The following THSD7A variants were observed in gnomAD, a reference collection of about 807,000 sequenced individuals.
The protein encoded by THSD7A is thrombospondin type-1 domain-containing protein 7A.
A neutral mutation model predicts 231.3 loss-of-function variants in THSD7A; 96 were observed. The observed-to-expected ratio is 0.41, with a 90% CI of 0.35 to 0.49. THSD7A has a LOEUF of 0.49. THSD7A is among the 20% of genes least tolerant of loss of function. The pLI is 0.05. For missense variants in THSD7A, 2,290 were observed against 2,070.2 expected, an observed-to-expected ratio of 1.11 and a Z score of -2.06; for synonymous variants, 940 against 743.3, an observed-to-expected ratio of 1.26 and a Z score of -4.30.
At chr7:11,771,244 T>C (rs896715063) in intron 1 of THSD7A, among the ~76,000 whole-genome samples, 2 of 151,402 alleles carry the variant, frequency 1.3e-5, no homozygotes, top group Non-Finnish European at 3.0e-5. Flanking sequence ...TTGGTAAATA[T>C]TGAATACTAA....
intron 7 of THSD7A, among the ~76,000 whole-genome samples, chr7:11,479,318 TATTTCATAA>T (rs1161313978): frequency 6.6e-6 from 1 of 152,204 alleles, no homozygotes; most frequent in African/African-American, 2.4e-5. Flanking sequence ...TTGGAGCATT[TATTTCATAA>T]ATCCAGATCT....
chr7:11,730,263 T>C (rs560043522), intron 1 of THSD7A, among the ~76,000 whole-genome samples: 2 of 151,806 alleles, frequency 1.3e-5, no homozygotes, highest in South Asian at 4.1e-4. Context: ...TCATAATTGA[T>C]ATTTAAATTA....
At chr7:11,738,510 T>C (rs535210626) in intron 1 of THSD7A, among the ~76,000 whole-genome samples, 14 of 152,180 alleles carry the variant, frequency 9.2e-5, no homozygotes, top group African/African-American at 3.1e-4. Flanking sequence ...ATGATGTAGT[T>C]GTTAACCATG....
intron 6 of THSD7A, among the ~76,000 whole-genome samples, chr7:11,485,759 A>G (rs1786631051): frequency 6.6e-6 from 1 of 152,162 alleles, no homozygotes; most frequent in South Asian, 2.1e-4. Flanking sequence ...GAAGTCAAGA[A>G]ACAGGCACTC....
chr7:11,476,473 T>C (rs1011000001), intron 7 of THSD7A, among the ~76,000 whole-genome samples: 11 of 152,106 alleles, frequency 7.2e-5, no homozygotes, highest in African/African-American at 2.7e-4. Flanking sequence ...ATTAGCAATT[T>C]TATGACAATT....
chr7:11,409,700 C>A (rs1051900775), intron 19 of THSD7A, among the ~76,000 whole-genome samples: 1 of 152,072 alleles, frequency 6.6e-6, no homozygotes, highest in Non-Finnish European at 1.5e-5. Context: ...TAGATCACAG[C>A]AAGCTCTCCA....
intron 23 of THSD7A, among the ~76,000 whole-genome samples, chr7:11,401,367 C>T (rs533995941): frequency 6.6e-6 from 1 of 152,284 alleles, no homozygotes; most frequent in African/African-American, 2.4e-5. Context: ...GAATCTTCCC[C>T]TTACTTTAGT....
chr7:11,783,074 A>G (rs1021249112), intron 1 of THSD7A, among the ~76,000 whole-genome samples: 1 of 152,146 alleles, frequency 6.6e-6, no homozygotes, highest in African/African-American at 2.4e-5. Context: ...GGAGAGGCAT[A>G]CTCAAAGCAA....
chr7:11,747,157 T>C (rs992371843), intron 1 of THSD7A, among the ~76,000 whole-genome samples: 6 of 151,988 alleles, frequency 3.9e-5, no homozygotes, highest in Non-Finnish European at 7.4e-5. Context: ...TTAAATACTA[T>C]TAGGAGACAT....
At chr7:11,679,322 C>A (rs559690511) in intron 1 of THSD7A, among the ~76,000 whole-genome samples, 12 of 152,158 alleles carry the variant, frequency 7.9e-5, no homozygotes, top group Non-Finnish European at 1.5e-4. Context: ...CACTCCTATT[C>A]AACATATTAT....
chr7:11,641,329 T>C (rs916631612), intron 1 of THSD7A, among the ~76,000 whole-genome samples: 1 of 152,124 alleles, frequency 6.6e-6, no homozygotes, highest in Non-Finnish European at 1.5e-5. Flanking sequence ...TTCAATAATT[T>C]TGTTTAGAAA....
At chr7:11,445,928 A>G (rs1784954681) in intron 13 of THSD7A, 133 bp downstream of exon 13, 10 of 1,095,116 alleles carry the variant, frequency 9.1e-6, no homozygotes, top group Non-Finnish European at 1.3e-5. Flanking sequence ...TGATATATGT[A>G]TAGTGTGGTG....
chr7:11,741,359 GCCAAATTC>G (rs1477883390), intron 1 of THSD7A, among the ~76,000 whole-genome samples: 2 of 151,866 alleles, frequency 1.3e-5, no homozygotes, highest in African/African-American at 2.4e-5. Context: ...TTCATGCCAT[GCCAAATTC>G]CAAGTGCATA....
intron 6 of THSD7A, among the ~76,000 whole-genome samples, chr7:11,490,952 A>G (rs904645998): frequency 1.3e-5 from 2 of 152,106 alleles, no homozygotes; most frequent in South Asian, 2.1e-4. Context: ...GCATGAGGCT[A>G]TTTTCATCAC....
At chr7:11,792,251 T>C (rs1783975919) in intron 1 of THSD7A, among the ~76,000 whole-genome samples, 1 of 151,988 alleles carries the variant, frequency 6.6e-6, no homozygotes, top group African/African-American at 2.4e-5. Flanking sequence ...AGTCTGCTGG[T>C]AATAGAAGAG....
intron 2 of THSD7A, among the ~76,000 whole-genome samples, chr7:11,614,787 A>G (rs1422437214): frequency 2.0e-5 from 3 of 152,188 alleles, no homozygotes; most frequent in Non-Finnish European, 1.5e-5. Flanking sequence ...GGTGAATAAC[A>G]TAATGCACAT....
intron 13 of THSD7A, among the ~76,000 whole-genome samples, chr7:11,437,230 G>C (rs902468862): frequency 6.6e-6 from 1 of 152,080 alleles, no homozygotes; most frequent in South Asian, 2.1e-4. Flanking sequence ...AATGGCAGAT[G>C]CTCTTCCATC....
chr7:11,452,668 A>G (rs949951091), intron 11 of THSD7A, among the ~76,000 whole-genome samples: 6 of 152,096 alleles, frequency 3.9e-5, no homozygotes, highest in African/African-American at 1.4e-4. Flanking sequence ...CACATGGAGC[A>G]TCCAAGAACA....
At chr7:11,464,310 GA>G (rs1785617096) in intron 9 of THSD7A, among the ~76,000 whole-genome samples, 1 of 151,950 alleles carries the variant, frequency 6.6e-6, no homozygotes, top group Non-Finnish European at 1.5e-5. Flanking sequence ...AAAATTCTTA[GA>G]GGCAATTACT....
Sources: gnomAD v4.1 joint callset for allele counts (sites outside exome capture counted in the v4.1 genomes callset) on GRCh38, gnomAD v4.1.1 for gene constraint, MANE v1.5 for transcripts, NCBI Gene and HGNC (gene_info 2026-07-23, HGNC 2026-07-21) for gene names.